SLC14A2: variants seen among roughly 807,000 people sequenced by gnomAD.
SLC14A2 encodes the protein solute carrier family 14 member 2, also known as urea transporter 2.
A neutral mutation model predicts 104.6 loss-of-function variants in SLC14A2; 91 were observed. The observed-to-expected ratio is 0.87, with a 90% CI of 0.73 to 1.04. The LOEUF is 1.04. SLC14A2 is among the 50% of genes least tolerant of loss of function. The pLI is 0.00. For synonymous variants in SLC14A2, 476 were observed against 466.4 expected (o/e 1.02, Z -0.27); for missense variants, 1,189 against 1,156.0 (o/e 1.03, Z -0.41).
intron 1 of SLC14A2, among the ~76,000 whole-genome samples, chr18:45,408,533 G>A (rs78739476): frequency 0.019 from 2,932 of 152,272 alleles, 112 homozygotes; most frequent in African/African-American, 0.066. Flanking sequence ...GCAGCTTCCA[G>A]CCTGGGATCT....
At chr18:45,325,062 A>G (rs2085221397) in intron 1 of SLC14A2, among the ~76,000 whole-genome samples, 1 of 152,094 alleles carries the variant, frequency 6.6e-6, no homozygotes, top group Non-Finnish European at 1.5e-5. Context: ...AGGCCGTGGG[A>G]TGTTTTCTCT....
intron 1 of SLC14A2, among the ~76,000 whole-genome samples, chr18:45,357,420 G>A (rs2085566421): frequency 6.6e-6 from 1 of 151,792 alleles, no homozygotes. Flanking sequence ...AGACTAGCCT[G>A]GACAACACAG....
intron 1 of SLC14A2, among the ~76,000 whole-genome samples, chr18:45,342,711 C>T (rs546749175): frequency 6.6e-6 from 1 of 152,298 alleles, no homozygotes; most frequent in African/African-American, 2.4e-5. Flanking sequence ...TCAAGACATA[C>T]TTAGGAGGTA....
At chr18:45,608,277 C>G (rs975272919) in intron 2 of SLC14A2, among the ~76,000 whole-genome samples, 15 of 152,196 alleles carry the variant, frequency 9.9e-5, no homozygotes, top group African/African-American at 3.6e-4. Flanking sequence ...GAGTCTTTAG[C>G]ACTTGTGAAC....
At chr18:45,257,557 C>A (rs889714565) in intron 1 of SLC14A2, among the ~76,000 whole-genome samples, 1 of 152,108 alleles carries the variant, frequency 6.6e-6, no homozygotes, top group Admixed American at 6.6e-5. Context: ...TTAAAATATG[C>A]AAGTCATGAG....
intron 10 of SLC14A2, among the ~76,000 whole-genome samples, chr18:45,648,544 T>C (rs183047011): frequency 1.2e-4 from 18 of 152,268 alleles, no homozygotes; most frequent in Admixed American, 1.0e-3. Flanking sequence ...TTAACCAGTA[T>C]TAATATTGTT....
At chr18:45,248,321 A>G (rs1289243871) in intron 1 of SLC14A2, among the ~76,000 whole-genome samples, 1 of 151,982 alleles carries the variant, frequency 6.6e-6, no homozygotes, top group Non-Finnish European at 1.5e-5. Context: ...CTTTGATTTG[A>G]TTGTTATTTC....
At position 45,421,657 on chromosome 18, in the gene SLC14A2, T is replaced by G. The variant is rs117119942; in HGVS notation, c.-124-61576T>G. On this transcript the variant is annotated intron_variant, in intron 1 of 20. Coordinates refer to the SLC14A2 transcript ENST00000586448. ...GTATCCTTTTCTCAAAAGTCAAATCTGTGCAAATGAATGCACTGGCCATGC... is the reference window on the plus strand; with the variant it reads ...GTATCCTTTTCTCAAAAGTCAAATCGGTGCAAATGAATGCACTGGCCATGC... Among the ~76,000 whole-genome samples, 194 of 152,364 alleles carry G rather than the reference T, an allele frequency of 1.3e-3. 3 individuals carry two copies. In the East Asian group the frequency reaches 0.027, roughly 21 times the overall value.
intron 1 of SLC14A2, among the ~76,000 whole-genome samples, chr18:45,620,636 G>C (rs1012336663): frequency 1.3e-5 from 2 of 152,002 alleles, no homozygotes; most frequent in Non-Finnish European, 2.9e-5. Flanking sequence ...GGATTATAAA[G>C]TAGACACATT....
chr18:45,535,754 C>A (rs146202911), intron 2 of SLC14A2, among the ~76,000 whole-genome samples: 1 of 152,296 alleles, frequency 6.6e-6, no homozygotes, highest in East Asian at 1.9e-4. Context: ...CTGCCTGAGC[C>A]TCAGTTTCCT....
At chr18:45,241,174 G>T (rs1332503483) in intron 1 of SLC14A2, among the ~76,000 whole-genome samples, 2 of 152,246 alleles carry the variant, frequency 1.3e-5, no homozygotes, top group African/African-American at 4.8e-5. Flanking sequence ...CAGCCCTTGG[G>T]TGATGAGCTG....
intron 1 of SLC14A2, among the ~76,000 whole-genome samples, chr18:45,364,097 T>A (rs2085642782): frequency 6.6e-6 from 1 of 152,146 alleles, no homozygotes; most frequent in Admixed American, 6.5e-5. Context: ...CTCCCATCCC[T>A]CAACTCTTCC....
the SLC14A2 span, chr18:45,169,002 C>T: frequency 6.6e-6 from 1 of 152,100 alleles, no homozygotes; most frequent in East Asian, 1.9e-4. Flanking sequence ...CATATGGGGC[C>T]TGGCTCCATG....
chr18:45,515,912 C>T (rs1248378710), intron 2 of SLC14A2, among the ~76,000 whole-genome samples: 2 of 152,216 alleles, frequency 1.3e-5, no homozygotes, highest in Non-Finnish European at 2.9e-5. Flanking sequence ...ATCCATGGAA[C>T]ATAGCTTCAA....
chr18:45,652,035 A>G (rs949135169), intron 10 of SLC14A2, among the ~76,000 whole-genome samples: 3 of 152,260 alleles, frequency 2.0e-5, no homozygotes, highest in Non-Finnish European at 4.4e-5. Context: ...GTTTGTGGTT[A>G]TATCAGACCA....
chr18:45,339,569 AACACACACAC>A (rs138097851), intron 1 of SLC14A2, among the ~76,000 whole-genome samples: 1 of 150,996 alleles, frequency 6.6e-6, no homozygotes, highest in Non-Finnish European at 1.5e-5. Context: ...CACACACACA[AACACACACAC>A]ACACACATTC....
intron 1 of SLC14A2, among the ~76,000 whole-genome samples, chr18:45,402,988 G>A (rs1275236567): frequency 6.6e-6 from 1 of 152,168 alleles, no homozygotes; most frequent in Non-Finnish European, 1.5e-5. Context: ...CACCTAACAG[G>A]ATGTACTGAT....
chr18:45,174,261 C>T, the SLC14A2 span, among the ~76,000 whole-genome samples: 1 of 152,110 alleles, frequency 6.6e-6, no homozygotes, highest in African/African-American at 2.4e-5. Flanking sequence ...ACTCACTCTG[C>T]CTTCCCCCAG....
intron 1 of SLC14A2, among the ~76,000 whole-genome samples, chr18:45,364,736 T>C (rs1475591240): frequency 6.6e-6 from 1 of 152,240 alleles, no homozygotes; most frequent in Admixed American, 6.5e-5. Context: ...GCTTGGCACC[T>C]AGCAAGCATG....
Sources: gnomAD v4.1 joint callset for allele counts (sites outside exome capture counted in the v4.1 genomes callset) on GRCh38, gnomAD v4.1.1 for gene constraint, MANE v1.5 for transcripts, NCBI Gene and HGNC (gene_info 2026-07-23, HGNC 2026-07-21) for gene names.